GLUD1: variants seen among roughly 807,000 people sequenced by gnomAD.
GLUD1 encodes glutamate dehydrogenase 1.
In GLUD1, 22 loss-of-function variants were observed where a neutral mutation model predicts 56.0. The ratio of observed to expected loss-of-function variants is 0.39; its 90% CI spans 0.28 to 0.56. GLUD1 has a LOEUF of 0.56. Among genes scored for constraint, GLUD1 ranks in the 20% least tolerant of loss-of-function variants. The probability of loss-of-function intolerance (pLI) is 0.58; values close to 1 mark genes in which losing one functional copy is unlikely to be tolerated. For synonymous variants in GLUD1, 223 were observed against 269.9 expected, an observed-to-expected ratio of 0.83 and a Z score of 1.70; for missense variants, 451 against 732.0, an observed-to-expected ratio of 0.62 and a Z score of 4.43.
At chr10:87,057,403 T>G (rs1452234073) in intron 11 of GLUD1, among the ~76,000 whole-genome samples, 3 of 152,336 alleles carry the variant, frequency 2.0e-5, no homozygotes, top group Non-Finnish European at 4.4e-5. Context: ...ATTCTTCCTA[T>G]TTCTCTGAAG....
rs1301400686 is a variant in GLUD1 at position 87,050,964 on chromosome 10, GAC to G, written c.*785_*786del. 2.0e-5 allele frequency: 3 copies of G among 152,606 alleles called. No homozygotes were observed. The highest frequency in any genetic ancestry group is 2.9e-5 in the Non-Finnish European group (2 of 68,056). The allele number at this position is 152,606 out of a possible 1,614,324, so 9.5% of individuals were successfully genotyped here. A position where few individuals can be genotyped will look rare whatever the true frequency, so the allele number is the denominator to read the frequency against. On this transcript the variant is annotated 3_prime_UTR_variant, in exon 13 of 13. Transcript: ENST00000277865. ...ATCATAATTATAGTAAGCAAATTCT[GAC>G]AGTTTTAATGAAAATAGCCTCCACC...
intron 12 of GLUD1, 55 bp from the exon 13 acceptor site, chr10:87,051,925 A>C: frequency 6.2e-7 from 1 of 1,606,950 alleles, no homozygotes; most frequent in South Asian, 1.1e-5. Flanking sequence ...TGGCCAGGCC[A>C]TAAACACACA....
In GLUD1 at chr10:87,062,768, G is replaced by A; in HGVS notation, c.809C>T (p.Ser270Phe). Residue 270 changes from serine (S) to phenylalanine (F), a missense_variant, in exon 6 of 13, where the codon TCT becomes TTT. Coordinates refer to ENST00000277865, the MANE Select transcript of GLUD1 (RefSeq NM_005271.5). Reference protein sequence around the residue: ...ISQGGIHGRISATGRGVFHGI... With the variant: ...ISQGGIHGRIFATGRGVFHGI... ...ATGGAAGACACCACGGCCAGTAGCA[G>A]AGATGCGTCCATGGATTCCCCCTTG... The A allele has an allele frequency of 6.2e-7, 1 of 1,614,156 alleles. No homozygotes were observed. Among genetic ancestry groups the A allele is most frequent in the Non-Finnish European group, 8.5e-7 (1 of 1,180,012 alleles).
intron 4 of GLUD1, among the ~76,000 whole-genome samples, chr10:87,073,442 CCATG>C (rs1846295268): frequency 6.6e-6 from 1 of 152,006 alleles, no homozygotes; most frequent in Non-Finnish European, 1.5e-5. Flanking sequence ...GCACCAGCCA[CCATG>C]CCCAGCCTTT....
intron 11 of GLUD1, among the ~76,000 whole-genome samples, chr10:87,053,749 T>G (rs1332172146): frequency 1.3e-5 from 2 of 152,172 alleles, no homozygotes; most frequent in Admixed American, 6.5e-5. Flanking sequence ...CACTGAGCAA[T>G]GTGTTACACT....
rs1432776511 is a variant in GLUD1 at position 87,068,111 on chromosome 10, C to T, written c.693G>A (p.Arg231=). Reference sequence around the variant, plus strand: ...AGGTATCAGCGATCCAGGACATCTCCCGCTCACCTGTGCTCATGTCTGGAG... The same window carrying T: ...AGGTATCAGCGATCCAGGACATCTCTCGCTCACCTGTGCTCATGTCTGGAG... ...VPAPDMSTGE[R]EMSWIADTYA... The change falls in exon 5 of 13, where the codon CGG becomes CGA. Residue 231 remains arginine, a synonymous_variant. Transcript: ENST00000277865. 6.2e-7 allele frequency: 1 copy of T among 1,613,642 alleles called. No individual in the cohort carries two copies. The highest frequency in any genetic ancestry group is 8.5e-7 in the Non-Finnish European group (1 of 1,179,552).
At chr10:87,086,771 C>A (rs1841392358) in intron 1 of GLUD1, among the ~76,000 whole-genome samples, 1 of 146,516 alleles carries the variant, frequency 6.8e-6, no homozygotes, top group African/African-American at 2.5e-5. Context: ...GCGGAGCTTG[C>A]AGTAAGCCAA....
At chr10:87,059,114 A>C (rs895203336) in intron 10 of GLUD1, 36 bp downstream of exon 10, 5 of 1,611,614 alleles carry the variant, frequency 3.1e-6, no homozygotes, top group Non-Finnish European at 4.2e-6. Context: ...CTGGCTCAAA[A>C]GATGAGTTTT....
At chr10:87,056,576 TGAGCCACCGCACC>T (rs1845781987) in intron 11 of GLUD1, among the ~76,000 whole-genome samples, 2 of 152,194 alleles carry the variant, frequency 1.3e-5, no homozygotes, top group Admixed American at 6.5e-5. Flanking sequence ...ATTATAGGCG[TGAGCCACCGCACC>T]TGGCCTACAC....
intron 5 of GLUD1, among the ~76,000 whole-genome samples, chr10:87,067,105 G>A (rs1225929135): frequency 2.0e-5 from 3 of 152,228 alleles, no homozygotes; most frequent in Non-Finnish European, 4.4e-5. Context: ...CTCTCCTGGC[G>A]CCAGCACAGC....
At chr10:87,086,449 C>T (rs1841383406) in intron 1 of GLUD1, among the ~76,000 whole-genome samples, 1 of 152,168 alleles carries the variant, frequency 6.6e-6, no homozygotes, top group Non-Finnish European at 1.5e-5. Flanking sequence ...CTGCTATTAA[C>T]TATAACTTCA....
At chr10:87,063,095 C>T (rs751403820) in intron 5 of GLUD1, among the ~76,000 whole-genome samples, 9 of 148,620 alleles carry the variant, frequency 6.1e-5, no homozygotes, top group Admixed American at 2.1e-4. Flanking sequence ...GTTTTTGAGA[C>T]GGAGTTTCAC....
intron 1 of GLUD1, among the ~76,000 whole-genome samples, chr10:87,078,084 T>C (rs1485490694): frequency 2.0e-5 from 3 of 152,226 alleles, no homozygotes; most frequent in Non-Finnish European, 2.9e-5. Flanking sequence ...AGATAATTTA[T>C]TTATTGTACA....
chr10:87,068,206 C>A lies in GLUD1; in HGVS notation c.647-49G>T, dbSNP rs747538573. 4.5e-6 allele frequency: 5 copies of A among 1,121,412 alleles called. No individual in the cohort carries two copies. The Admixed American group carries it at 7.0e-5, about 16-fold the overall frequency. The allele number at this position is 1,121,412 out of a possible 1,614,324, so 69.5% of individuals were successfully genotyped here. A position where few individuals can be genotyped will look rare whatever the true frequency, so the allele number is the denominator to read the frequency against. The stretch of plus-strand genomic sequence containing the variant: ...AGTGCACCAGTTTTTAAGAAAAATT[C>A]TTCTCGAACACAAAGATCCTTGTAA... On this transcript the variant is annotated intron_variant, in intron 4 of 12. Coordinates refer to ENST00000277865, the MANE Select transcript of GLUD1 (RefSeq NM_005271.5).
At chr10:87,063,685 T>C (rs1206594911) in intron 5 of GLUD1, among the ~76,000 whole-genome samples, 2 of 152,206 alleles carry the variant, frequency 1.3e-5, no homozygotes, top group Non-Finnish European at 2.9e-5. Flanking sequence ...ACTTGATACT[T>C]AATATAACAT....
In GLUD1 at chr10:87,053,517, C is replaced by T. The variant is rs1467547455; in HGVS notation, c.1495-113G>A. 3 of 744,056 alleles carry T rather than the reference C, an allele frequency of 4.0e-6. No homozygotes were observed. The African/African-American group carries it at 5.1e-5, about 13-fold the overall frequency. The allele number at this position is 744,056 out of a possible 1,614,324, so 46.1% of individuals were successfully genotyped here. ...TATACAACCAGACAGAATTTTTTGTCTTTTAGCTAAGATATGTCATTTCTG... is the reference window on the plus strand; with the variant it reads ...TATACAACCAGACAGAATTTTTTGTTTTTTAGCTAAGATATGTCATTTCTG... On this transcript the variant is annotated intron_variant, in intron 11 of 12. Transcript: ENST00000277865.
At chr10:87,053,963 G>A (rs1023394577) in intron 11 of GLUD1, among the ~76,000 whole-genome samples, 3 of 151,980 alleles carry the variant, frequency 2.0e-5, no homozygotes, top group Non-Finnish European at 4.4e-5. Flanking sequence ...CAGAGAAGAT[G>A]GCCAAGGTTA....
rs549247161 is a variant in GLUD1, at chr10:87,060,668, G to C, written c.1197+20C>G. 1.1e-5 allele frequency: 18 copies of C among 1,613,962 alleles called. No individual in the cohort carries two copies. The Admixed American group carries it at 2.2e-4, about 19-fold the overall frequency. ...CATTCACATTGATAATGTTGGTTCT[G>C]GTTTCTATAATGTTGTCACCTTGGC... On this transcript the variant is annotated intron_variant, in intron 8 of 12. Coordinates refer to ENST00000277865, the MANE Select transcript of GLUD1 (RefSeq NM_005271.5).
At chr10:87,085,206 C>T (rs374742718) in intron 1 of GLUD1, among the ~76,000 whole-genome samples, 19 of 152,178 alleles carry the variant, frequency 1.2e-4, no homozygotes, top group East Asian at 1.2e-3. Context: ...ATTAGCTGGG[C>T]GTGGTGGTGC....
Sources: gnomAD v4.1 joint callset for allele counts (sites outside exome capture counted in the v4.1 genomes callset) on GRCh38, gnomAD v4.1.1 for gene constraint, MANE v1.5 for transcripts, NCBI Gene and HGNC (gene_info 2026-07-23, HGNC 2026-07-21) for gene names.